The following DRC1 variants were observed in gnomAD, a reference collection of about 807,000 sequenced individuals.
DRC1 encodes dynein regulatory complex protein 1.
A neutral mutation model predicts 98.7 loss-of-function variants in DRC1; 74 were observed. The ratio of observed to expected loss-of-function variants is 0.75; its 90% CI spans 0.62 to 0.91. The LOEUF is 0.91. Among genes scored for constraint, DRC1 ranks in the 40% least tolerant of loss-of-function variants. DRC1 has a pLI of 0.00. For synonymous variants in DRC1, 336 were observed against 334.1 expected, an observed-to-expected ratio of 1.01 and a Z score of -0.06; for missense variants, 875 against 886.0, an observed-to-expected ratio of 0.99 and a Z score of 0.16.
chr2:26,410,138 TA>T (rs1678555024), intron 1 of DRC1, among the ~76,000 whole-genome samples: 2 of 147,266 alleles, frequency 1.4e-5, no homozygotes, highest in African/African-American at 2.5e-5. Flanking sequence ...CTCTTAGAAA[TA>T]AAAAAATTAT....
intron 2 of DRC1, among the ~76,000 whole-genome samples, chr2:26,418,662 TTATATA>T (rs1678924621): frequency 1.1e-5 from 1 of 89,848 alleles, no homozygotes; most frequent in African/African-American, 4.6e-5. Flanking sequence ...AAATTATATA[TTATATA>T]AATTAAATAT....
intron 2 of DRC1, among the ~76,000 whole-genome samples, chr2:26,420,408 T>TCTGCCTCACTGTCATTAC (rs1663100006): frequency 8.9e-6 from 1 of 112,494 alleles, no homozygotes; most frequent in East Asian, 2.5e-4. Flanking sequence ...ACTGTCATTA[T>TCTGCCTCACTGTCATTAC]CTGCCTCACT....
intron 7 of DRC1, among the ~76,000 whole-genome samples, chr2:26,439,352 C>G (rs965818814): frequency 1.3e-5 from 2 of 152,178 alleles, no homozygotes; most frequent in African/African-American, 4.8e-5. Context: ...CTGGCCTTCC[C>G]TCTATCTTGC....
chr2:26,456,590 C>A lies in DRC1; in HGVS notation c.*73C>A. 1 of 1,573,702 alleles carries A rather than the reference C, an allele frequency of 6.4e-7. No homozygotes were observed. The highest frequency in any genetic ancestry group is 8.7e-7 in the Non-Finnish European group (1 of 1,145,352). ...TCTGTGCCGGAGCCAGCTCATATCA[C>A]CCACTGGGCCGCACCTGGGCCTGCT... On this transcript the variant is annotated 3_prime_UTR_variant, in exon 17 of 17. Transcript: ENST00000288710.
chr2:26,420,165 G>A (rs1301881847), intron 2 of DRC1, among the ~76,000 whole-genome samples: 1 of 152,134 alleles, frequency 6.6e-6, no homozygotes, highest in Non-Finnish European at 1.5e-5. Flanking sequence ...CAGAAGTGGG[G>A]CAGCAGAGGG....
At chr2:26,418,721 TA>T (rs1402133973) in intron 2 of DRC1, among the ~76,000 whole-genome samples, 1 of 100,334 alleles carries the variant, frequency 1.0e-5, no homozygotes, top group African/African-American at 4.0e-5. Flanking sequence ...ATATAATATA[TA>T]AATTATATTT....
intron 10 of DRC1, chr2:26,448,224 C>CAA (rs34461558): frequency 0.038 from 11,308 of 301,218 alleles, 2 homozygotes; most frequent in South Asian, 0.059. Flanking sequence ...GACTCCATCT[C>CAA]AAAAAAAAAA....
intron 13 of DRC1, among the ~76,000 whole-genome samples, chr2:26,451,938 CA>C (rs1664017345): frequency 6.6e-6 from 1 of 151,998 alleles, no homozygotes; most frequent in African/African-American, 2.4e-5. Context: ...AAAAGACCAA[CA>C]AAAGGAACAG....
At chr2:26,430,116 C>T (rs1663393978) in intron 5 of DRC1, among the ~76,000 whole-genome samples, 1 of 151,966 alleles carries the variant, frequency 6.6e-6, no homozygotes, top group African/African-American at 2.4e-5. Flanking sequence ...ATAAGACGAG[C>T]AAGAGGTTGG....
rs762510672 is a variant in DRC1 at position 26,444,939 on chromosome 2, A to G, written c.1387A>G (p.Met463Val). ...SATQIVEEMLMRSEEEEAEEA... is the reference protein window; with the variant it reads ...SATQIVEEMLVRSEEEEAEEA... The stretch of plus-strand genomic sequence containing the variant: ...CACACAGATAGTAGAAGAAATGCTT[A>G]TGCGCTCAGGTGACTAGAACACTGT... The change falls in exon 10 of 17, where the codon ATG (methionine) becomes GTG (valine). Residue 463 changes from methionine (M) to valine (V), a missense_variant. Met to Val is a conservative substitution (Grantham distance 21, BLOSUM62 1). Transcript: ENST00000288710. 6 of 1,613,956 alleles carry G rather than the reference A, an allele frequency of 3.7e-6. No homozygotes were observed. The highest frequency in any genetic ancestry group is 3.3e-5 in the Admixed American group (2 of 60,008).
rs558198077 is a variant in DRC1 at position 26,413,141 on chromosome 2, CCTTTA to C, written c.156-1199_156-1195del. On this transcript the variant is annotated intron_variant, in intron 1 of 16. Coordinates refer to ENST00000288710, the MANE Select transcript of DRC1 (RefSeq NM_145038.5). ...CTACATATTTTTCTAAAACTGGCTC[CCTTTA>C]CTTAACTGCTGTGGACATCTTTCCC... 3.2e-3 allele frequency among the ~76,000 whole-genome samples: 493 copies of C among 152,264 alleles called. 3 individuals are homozygous for C. The highest frequency in any genetic ancestry group is 0.011 in the African/African-American group (468 of 41,548).
At chr2:26,429,981 G>T (rs777937582) in intron 5 of DRC1, among the ~76,000 whole-genome samples, 1 of 152,186 alleles carries the variant, frequency 6.6e-6, no homozygotes, top group Non-Finnish European at 1.5e-5. Flanking sequence ...CCAGGGGCCT[G>T]GGGGTGCAGC....
At chr2:26,433,710 G>A (rs1208255675) in intron 7 of DRC1, among the ~76,000 whole-genome samples, 2 of 152,136 alleles carry the variant, frequency 1.3e-5, no homozygotes, top group East Asian at 3.8e-4. Flanking sequence ...GTGGGTGTAG[G>A]AGGTAGGGTA....
chr2:26,425,433 A>G (rs1663258866), intron 4 of DRC1, among the ~76,000 whole-genome samples: 1 of 152,182 alleles, frequency 6.6e-6, no homozygotes, highest in Admixed American at 6.5e-5. Context: ...ATTTGGATGT[A>G]TACTTAAAAG....
chr2:26,413,058 A>G (rs1161594091), intron 1 of DRC1, among the ~76,000 whole-genome samples: 2 of 152,224 alleles, frequency 1.3e-5, no homozygotes, highest in East Asian at 3.8e-4. Flanking sequence ...CTGGGATTAC[A>G]AGCGTGAGCC....
chr2:26,450,784 G>A, intron 13 of DRC1, 103 bp downstream of exon 13: 1 of 941,212 alleles, frequency 1.1e-6, no homozygotes, highest in Non-Finnish European at 1.4e-6. Flanking sequence ...GAACATGCAG[G>A]TTTGTTACAT....
intron 2 of DRC1, among the ~76,000 whole-genome samples, chr2:26,414,712 GTC>G (rs1179063631): frequency 1.3e-5 from 2 of 152,204 alleles, no homozygotes; most frequent in Non-Finnish European, 2.9e-5. Context: ...GCCTTTGGTA[GTC>G]TGTTCCCATC....
chr2:26,430,573 C>A lies in DRC1; in HGVS notation c.679-213C>A, dbSNP rs553407799. The A allele has an allele frequency of 2.3e-5, 15 of 643,580 alleles. No homozygotes were observed. The East Asian group carries it at 4.9e-4, about 21-fold the overall frequency. The allele number at this position is 643,580 out of a possible 1,614,324, so 39.9% of individuals were successfully genotyped here. ...ACGGGACTGTTGGCACATCTCCTCT[C>A]CGCATTTGGAGTATCGTCTTCATAA... On this transcript the variant is annotated intron_variant, in intron 5 of 16. Transcript: ENST00000288710.
At chr2:26,437,887 G>A (rs1374224222) in intron 7 of DRC1, among the ~76,000 whole-genome samples, 2 of 151,766 alleles carry the variant, frequency 1.3e-5, no homozygotes, top group Non-Finnish European at 2.9e-5. Flanking sequence ...TCGGGAGTTT[G>A]AGACAAGCCT....
Sources: gnomAD v4.1 joint callset for allele counts (sites outside exome capture counted in the v4.1 genomes callset) on GRCh38, gnomAD v4.1.1 for gene constraint, MANE v1.5 for transcripts, NCBI Gene and HGNC (gene_info 2026-07-23, HGNC 2026-07-21) for gene names.